The following SREK1 variants were observed in gnomAD, a reference collection of about 807,000 sequenced individuals.
SREK1 encodes the protein splicing regulatory glutamine/lysine-rich protein 1.
Under a neutral mutation model 66.5 loss-of-function variants are expected in SREK1, and 13 were observed. The observed-to-expected ratio is 0.20, with a 90% confidence interval of 0.13 to 0.31. SREK1 has a LOEUF of 0.31. Among genes scored for constraint, SREK1 ranks in the 10% least tolerant of loss-of-function variants. The pLI, the probability that SREK1 is intolerant of heterozygous loss-of-function variation, is 1.00. For missense variants in SREK1, 607 were observed against 769.6 expected (o/e 0.79, Z 2.50); for synonymous variants, 265 against 263.5 (o/e 1.01, Z -0.05).
At position 66,169,985 on chromosome 5, in the gene SREK1, T is replaced by G. The variant is rs190827255; in HGVS notation, c.1002-66T>G. ...ATTGTTAAATACTGTTAGGATAGAT[T>G]TTAAATTTTCTTGTTTGAAAGATCG... On this transcript the variant is annotated intron_variant, in intron 7 of 11. Coordinates refer to ENST00000334121, the MANE Select transcript of SREK1 (RefSeq NM_001077199.3). 3.6e-4 allele frequency: 479 copies of G among 1,341,774 alleles called. 1 individual carries two copies. Among genetic ancestry groups the G allele is most frequent in the Admixed American group, 8.1e-4 (28 of 34,748 alleles). The allele number at this position is 1,341,774 out of a possible 1,614,324, so 83.1% of individuals were successfully genotyped here.
chr5:66,172,510 C>T (rs1478047382), intron 9 of SREK1, among the ~76,000 whole-genome samples: 1 of 152,142 alleles, frequency 6.6e-6, no homozygotes, highest in South Asian at 2.1e-4. Context: ...ATTCTTGTAC[C>T]TCAGCCTCCC....
At chr5:66,147,878 CAAAGG>C (rs765126777) in intron 1 of SREK1, among the ~76,000 whole-genome samples, 1 of 149,756 alleles carries the variant, frequency 6.7e-6, no homozygotes, top group Non-Finnish European at 1.5e-5. Context: ...ATAGCGTAAT[CAAAGG>C]AATCACACTG....
At chr5:66,174,554 A>G (rs1745899811) in intron 9 of SREK1, 1 of 154,968 alleles carries the variant, frequency 6.5e-6, no homozygotes, top group Non-Finnish European at 1.4e-5. Context: ...GTGGGGCAGC[A>G]AGGAGCTAGA....
At position 66,180,977 on chromosome 5, in the gene SREK1, G is replaced by C. The variant is rs893818196; in HGVS notation, c.*2109G>C. 7.2e-5 allele frequency: 11 copies of C among 152,214 alleles called. No individual in the cohort carries two copies. The highest frequency in any genetic ancestry group is 8.8e-5 in the Non-Finnish European group (6 of 68,018). The allele number at this position is 152,214 out of a possible 1,614,324, so 9.4% of individuals were successfully genotyped here. A position where few individuals can be genotyped will look rare whatever the true frequency, so the allele number is the denominator to read the frequency against. On this transcript the variant is annotated 3_prime_UTR_variant, in exon 12 of 12. Transcript: ENST00000334121. ...GATTGTTGTGACGTGGAGAGTGCATGTTTGTGTGGTGTCTATAAAACAAGT... is the reference window on the plus strand; with the variant it reads ...GATTGTTGTGACGTGGAGAGTGCATCTTTGTGTGGTGTCTATAAAACAAGT...
intron 3 of SREK1, among the ~76,000 whole-genome samples, chr5:66,160,201 A>T (rs1744637196): frequency 1.3e-5 from 2 of 152,224 alleles, no homozygotes; most frequent in African/African-American, 4.8e-5. Context: ...ATTTATTTTA[A>T]AAGAAGTGCC....
chr5:66,156,586 C>A (rs189509298), intron 2 of SREK1: 20 of 985,306 alleles, frequency 2.0e-5, no homozygotes, highest in Admixed American at 1.2e-4. Context: ...TAGTTTTTTT[C>A]CCCCCTAGTC....
At chr5:66,174,199 T>A (rs1745876310) in intron 9 of SREK1, among the ~76,000 whole-genome samples, 1 of 152,136 alleles carries the variant, frequency 6.6e-6, no homozygotes, top group Non-Finnish European at 1.5e-5. Context: ...TGTTTCTGAG[T>A]TGAAGTAGTT....
chr5:66,163,720 T>C, intron 5 of SREK1, 72 bp from the exon 6 acceptor site: 1 of 1,473,890 alleles, frequency 6.8e-7, no homozygotes, highest in East Asian at 2.4e-5. Context: ...AATATGTGTA[T>C]CATATAAATG....
chr5:66,179,376 C>T lies in SREK1; in HGVS notation c.*508C>T, dbSNP rs1428471561. The T allele has an allele frequency of 6.6e-6, 1 of 152,432 alleles. No individual in the cohort carries two copies. Among genetic ancestry groups the T allele is most frequent in the Non-Finnish European group, 1.5e-5 (1 of 67,974 alleles). The allele number at this position is 152,432 out of a possible 1,614,324, so 9.4% of individuals were successfully genotyped here. Reference sequence around the variant, plus strand: ...ATGTAAGAAGTTTTAACATTTACTTCACAGGACTTGTGATTGTGTTAAATT... The same window carrying T: ...ATGTAAGAAGTTTTAACATTTACTTTACAGGACTTGTGATTGTGTTAAATT... On this transcript the variant is annotated 3_prime_UTR_variant, in exon 12 of 12. Transcript: ENST00000334121.
intron 2 of SREK1, chr5:66,157,579 A>G (rs753317208): frequency 8.4e-5 from 82 of 970,866 alleles, no homozygotes; most frequent in Non-Finnish European, 9.2e-5. Context: ...GTGGGTATAT[A>G]TAAATACATG....
chr5:66,160,061 C>T (rs559551602), intron 3 of SREK1, among the ~76,000 whole-genome samples: 4 of 151,488 alleles, frequency 2.6e-5, no homozygotes, highest in African/African-American at 9.7e-5. Context: ...GCCTGGGAGG[C>T]GGAGCTTGCA....
At chr5:66,144,904 C>T (rs1380380229) in intron 1 of SREK1, 33 of 1,000,304 alleles carry the variant, frequency 3.3e-5, no homozygotes, top group Non-Finnish European at 3.9e-5. Context: ...CGTCTCAGAG[C>T]GTTTTTCCAC....
At chr5:66,155,751 A>G (rs1473961176) in intron 2 of SREK1, among the ~76,000 whole-genome samples, 1 of 152,228 alleles carries the variant, frequency 6.6e-6, no homozygotes, top group Non-Finnish European at 1.5e-5. Context: ...AGAAGATCCT[A>G]AGTTGTAAAA....
In SREK1 at chr5:66,183,316, CTGT is replaced by C. The variant is rs1746648489; in HGVS notation, c.*4451_*4453del. ...TTTGAGGGTACTGGTAGGTAACACACTGTTGGGGAATAAACTAAAGAATTTCTG... is the reference window on the plus strand; with the variant it reads ...TTTGAGGGTACTGGTAGGTAACACACTGGGGAATAAACTAAAGAATTTCTG... On this transcript the variant is annotated 3_prime_UTR_variant, in exon 12 of 12. Transcript: ENST00000334121. 1 of 152,138 alleles carries C rather than the reference CTGT, an allele frequency of 6.6e-6. No homozygotes were observed. The allele number at this position is 152,138 out of a possible 1,614,324, so 9.4% of individuals were successfully genotyped here. A position where few individuals can be genotyped will look rare whatever the true frequency, so the allele number is the denominator to read the frequency against.
chr5:66,176,117 C>A (rs909257357), intron 10 of SREK1, among the ~76,000 whole-genome samples: 1 of 152,092 alleles, frequency 6.6e-6, no homozygotes, highest in Non-Finnish European at 1.5e-5. Context: ...TACAATATGG[C>A]AAATGGGTTC....
rs184127520 is a variant in SREK1 at position 66,145,118 on chromosome 5, C to T, written c.161+581C>T. ...GTTCCCAAAGATCATGTCTGTTAGC[C>T]CTTTTGACAGCAGATTAAATTTTCC... On this transcript the variant is annotated intron_variant, in intron 1 of 11. Coordinates refer to ENST00000334121, the MANE Select transcript of SREK1 (RefSeq NM_001077199.3). 1,775 of 985,542 alleles carry T rather than the reference C, an allele frequency of 1.8e-3. 5 individuals carry two copies. Among genetic ancestry groups the T allele is most frequent in the South Asian group, 2.5e-3 (54 of 21,368 alleles). 61.0% of individuals were successfully genotyped at this position (985,542 alleles called of 1,614,324 possible).
rs552162465 is a variant in SREK1, at chr5:66,155,270, T to C, written c.295+1674T>C. 4.6e-5 allele frequency among the ~76,000 whole-genome samples: 7 copies of C among 152,354 alleles called. No individual in the cohort carries two copies. The South Asian group carries it at 1.4e-3, about 32-fold the overall frequency. On this transcript the variant is annotated intron_variant, in intron 2 of 11. Coordinates refer to ENST00000334121, the MANE Select transcript of SREK1 (RefSeq NM_001077199.3). ...TACAACTTGGACAGTTTTACTGTTT[T>C]TGAACAGAAAAATTTAAGCATACTT...
chr5:66,161,087 TA>T (rs1216937917), intron 3 of SREK1, among the ~76,000 whole-genome samples: 1 of 152,200 alleles, frequency 6.6e-6, no homozygotes, highest in Non-Finnish European at 1.5e-5. Flanking sequence ...TATATTTTCT[TA>T]GGTAAACTTT....
At chr5:66,173,686 A>T (rs1047380773) in intron 9 of SREK1, among the ~76,000 whole-genome samples, 3 of 152,242 alleles carry the variant, frequency 2.0e-5, no homozygotes, top group African/African-American at 7.2e-5. Flanking sequence ...TTCTGAACAA[A>T]TAAGTAAAAG....
Sources: gnomAD v4.1 joint callset for allele counts (sites outside exome capture counted in the v4.1 genomes callset) on GRCh38, gnomAD v4.1.1 for gene constraint, MANE v1.5 for transcripts, NCBI Gene and HGNC (gene_info 2026-07-23, HGNC 2026-07-21) for gene names.